Variants in PCED1B observed in about 807,000 individuals in gnomAD.
PCED1B encodes the protein PC-esterase domain-containing protein 1B.
For synonymous variants in PCED1B, 251 were observed against 246.1 expected, an observed-to-expected ratio of 1.02 and a Z score of -0.19; for missense variants, 573 against 573.9, an observed-to-expected ratio of 1.00 and a Z score of 0.02.
intron 2 of PCED1B, among the ~76,000 whole-genome samples, chr12:47,177,877 G>C (rs1398057536): frequency 6.6e-6 from 1 of 152,096 alleles, no homozygotes; most frequent in Non-Finnish European, 1.5e-5. Flanking sequence ...AACTCGGTAG[G>C]TGGAGGTTGC....
At chr12:47,151,377 G>A (rs187452444) in intron 2 of PCED1B, among the ~76,000 whole-genome samples, 1 of 152,252 alleles carries the variant, frequency 6.6e-6, no homozygotes, top group Admixed American at 6.5e-5. Context: ...GGAGCAAAAG[G>A]CTATACCATA....
intron 2 of PCED1B, among the ~76,000 whole-genome samples, chr12:47,130,184 A>G (rs183006098): frequency 1.3e-5 from 2 of 152,326 alleles, no homozygotes; most frequent in East Asian, 1.9e-4. Flanking sequence ...GTAAGGCTTT[A>G]TTTTAAAAGG....
intron 3 of PCED1B, among the ~76,000 whole-genome samples, chr12:47,217,802 C>A (rs939108563): frequency 3.3e-5 from 5 of 152,172 alleles, no homozygotes; most frequent in African/African-American, 1.2e-4. Flanking sequence ...ATCTTGAACT[C>A]CAGACCTCAG....
At chr12:47,109,287 G>A (rs759128850) in intron 2 of PCED1B, among the ~76,000 whole-genome samples, 4 of 152,144 alleles carry the variant, frequency 2.6e-5, no homozygotes, top group Admixed American at 1.3e-4. Context: ...TGTAAATGGA[G>A]GCAGGTGGCA....
intron 2 of PCED1B, among the ~76,000 whole-genome samples, chr12:47,131,323 C>G (rs1027241421): frequency 3.9e-5 from 6 of 152,208 alleles, no homozygotes; most frequent in African/African-American, 1.4e-4. Flanking sequence ...AAAACGCCCT[C>G]CTTAATCAAT....
intron 2 of PCED1B, among the ~76,000 whole-genome samples, chr12:47,175,045 T>C (rs1308802568): frequency 3.3e-5 from 5 of 152,216 alleles, no homozygotes; most frequent in Non-Finnish European, 7.3e-5. Context: ...ATCTAGATAA[T>C]ATACATCTAT....
At position 47,132,849 on chromosome 12, in the gene PCED1B, C is replaced by G. The variant is rs377336528; in HGVS notation, c.-526+28654C>G. ...AAATCTAACTGGTACAAATATCTAG[C>G]CAATGTCTGTGGAATTTTTGAAAGT... On this transcript the variant is annotated intron_variant, in intron 2 of 3. Transcript: ENST00000546455. 4.3e-4 allele frequency among the ~76,000 whole-genome samples: 65 copies of G among 152,196 alleles called. No homozygotes were observed. The South Asian group carries it at 4.4e-3, about 10-fold the overall frequency.
At chr12:47,091,915 T>C (rs76322893) in intron 1 of PCED1B, among the ~76,000 whole-genome samples, 2,725 of 152,244 alleles carry the variant, frequency 0.018, 83 homozygotes, top group African/African-American at 0.062. Context: ...GTTCTTGCAC[T>C]AGTACCACAC....
At chr12:47,158,109 C>T (rs1166122539) in intron 2 of PCED1B, among the ~76,000 whole-genome samples, 1 of 152,154 alleles carries the variant, frequency 6.6e-6, no homozygotes, top group Non-Finnish European at 1.5e-5. Flanking sequence ...AATTATGCTG[C>T]TATGAACATG....
At chr12:47,181,813 A>T (rs1250140544) in intron 2 of PCED1B, among the ~76,000 whole-genome samples, 1 of 152,172 alleles carries the variant, frequency 6.6e-6, no homozygotes, top group African/African-American at 2.4e-5. Context: ...AGTACTAAAC[A>T]GAGGACAACA....
intron 2 of PCED1B, among the ~76,000 whole-genome samples, chr12:47,115,254 T>A (rs1592156792): frequency 6.6e-6 from 1 of 151,992 alleles, no homozygotes; most frequent in Non-Finnish European, 1.5e-5. Context: ...GTTGAAGGGG[T>A]CTGCTGCTCC....
At chr12:47,155,685 T>C (rs1486584773) in intron 2 of PCED1B, among the ~76,000 whole-genome samples, 3 of 152,200 alleles carry the variant, frequency 2.0e-5, no homozygotes, top group Non-Finnish European at 4.4e-5. Flanking sequence ...AAGGTGAAGC[T>C]GCCAGGAGTG....
At chr12:47,117,934 T>A (rs1939501527) in intron 2 of PCED1B, among the ~76,000 whole-genome samples, 1 of 152,244 alleles carries the variant, frequency 6.6e-6, no homozygotes, top group African/African-American at 2.4e-5. Flanking sequence ...TGATTTGCAT[T>A]TCTCTGATGG....
intron 2 of PCED1B, among the ~76,000 whole-genome samples, chr12:47,151,658 G>A (rs1940996436): frequency 6.6e-6 from 1 of 152,226 alleles, no homozygotes; most frequent in African/African-American, 2.4e-5. Context: ...CTGAGAAGCA[G>A]GAAAGCTGAT....
chr12:47,230,569 G>A (rs1446937831), intron 3 of PCED1B, among the ~76,000 whole-genome samples: 18 of 152,064 alleles, frequency 1.2e-4, no homozygotes, highest in Non-Finnish European at 4.4e-5. Context: ...CAGCCTCCGA[G>A]TAGCTGGGAT....
intron 2 of PCED1B, among the ~76,000 whole-genome samples, chr12:47,171,508 C>T (rs917040952): frequency 1.3e-5 from 2 of 152,128 alleles, no homozygotes; most frequent in African/African-American, 4.8e-5. Flanking sequence ...TTGTTAACAC[C>T]TATTTGCATC....
chr12:47,168,885 TA>T (rs983692549), intron 2 of PCED1B, among the ~76,000 whole-genome samples: 15 of 152,072 alleles, frequency 9.9e-5, no homozygotes, highest in Admixed American at 7.2e-4. Context: ...AATTGACCTT[TA>T]AAAAAAAGTT....
rs111304745 is a variant in PCED1B at position 47,226,054 on chromosome 12, A to T, written c.-57-8953A>T. Among the ~76,000 whole-genome samples, 486 of 152,340 alleles carry T rather than the reference A, an allele frequency of 3.2e-3. 2 individuals carry two copies. Among genetic ancestry groups the T allele is most frequent in the African/African-American group, 0.011 (458 of 41,580 alleles). ...CCCCAAACAGGGAAATATAAACAAG[A>T]TGCTGGAAAGTAATTTATTGTGGCA... On this transcript the variant is annotated intron_variant, in intron 3 of 3. Transcript: ENST00000546455.
At chr12:47,093,315 A>G (rs1307046361) in intron 1 of PCED1B, among the ~76,000 whole-genome samples, 1 of 151,504 alleles carries the variant, frequency 6.6e-6, no homozygotes, top group African/African-American at 2.4e-5. Context: ...TGCTTGTATG[A>G]TCTATAGTGA....
Sources: gnomAD v4.1 joint callset for allele counts (sites outside exome capture counted in the v4.1 genomes callset) on GRCh38, gnomAD v4.1.1 for gene constraint, MANE v1.5 for transcripts, NCBI Gene and HGNC (gene_info 2026-07-23, HGNC 2026-07-21) for gene names.